The following DLGAP1 variants were observed in gnomAD, a reference collection of about 807,000 sequenced individuals.
The protein encoded by DLGAP1 is disks large-associated protein 1.
Under a neutral mutation model 90.8 loss-of-function variants are expected in DLGAP1, and 11 were observed. That is an observed-to-expected ratio of 0.12 (90% CI 0.08 to 0.20). The LOEUF (loss-of-function observed/expected upper bound fraction) is 0.20, where lower values mean the gene tolerates loss of function less well. DLGAP1 is among the 10% of genes least tolerant of loss of function. The pLI is 1.00. For synonymous variants in DLGAP1, 558 were observed against 540.7 expected (o/e 1.03, Z -0.44); for missense variants, 1,050 against 1,333.8 (o/e 0.79, Z 3.31).
intron 7 of DLGAP1, among the ~76,000 whole-genome samples, chr18:3,636,362 A>G (rs1465722029): frequency 1.3e-5 from 2 of 151,672 alleles, no homozygotes; most frequent in African/African-American, 2.4e-5. Context: ...CAGACCCTAT[A>G]GAGTGCCCAG....
intron 7 of DLGAP1, among the ~76,000 whole-genome samples, chr18:3,583,176 A>ACCTTCCTTCCTTCCTT (rs1198815501): frequency 9.8e-5 from 13 of 132,044 alleles, no homozygotes; most frequent in African/African-American, 4.1e-4. Context: ...CTACCTACCT[A>ACCTTCCTTCCTTCCTT]CCTACCTACC....
intron 7 of DLGAP1, among the ~76,000 whole-genome samples, chr18:3,667,186 T>G (rs1314686708): frequency 3.9e-5 from 6 of 152,064 alleles, no homozygotes; most frequent in Non-Finnish European, 4.4e-5. Context: ...CAAGCGATTC[T>G]CTTGCCTCAG....
chr18:4,090,891 A>C (rs923201392), intron 2 of DLGAP1, among the ~76,000 whole-genome samples: 2 of 152,242 alleles, frequency 1.3e-5, no homozygotes, highest in African/African-American at 4.8e-5. Context: ...GTACATATAC[A>C]CCATGGAATA....
intron 1 of DLGAP1, among the ~76,000 whole-genome samples, chr18:4,254,553 C>T (rs2078848876): frequency 6.6e-6 from 1 of 152,138 alleles, no homozygotes; most frequent in African/African-American, 2.4e-5. Flanking sequence ...TATATTTGTC[C>T]TGCATTTGGG....
chr18:3,521,110 C>T (rs1214798218), intron 10 of DLGAP1, among the ~76,000 whole-genome samples: 1 of 152,138 alleles, frequency 6.6e-6, no homozygotes, highest in Non-Finnish European at 1.5e-5. Context: ...TGTGTACTGA[C>T]CCCAGACGCT....
chr18:3,928,161 A>G (rs1385462550), intron 3 of DLGAP1, among the ~76,000 whole-genome samples: 1 of 152,156 alleles, frequency 6.6e-6, no homozygotes, highest in East Asian at 1.9e-4. Flanking sequence ...ATCTATCTGC[A>G]TTTGTATCCA....
chr18:3,513,693 T>G (rs1657705503), intron 10 of DLGAP1, among the ~76,000 whole-genome samples: 1 of 152,186 alleles, frequency 6.6e-6, no homozygotes, highest in African/African-American at 2.4e-5. Flanking sequence ...CTTTTTTTCT[T>G]TTACAGATTA....
chr18:4,149,277 A>C (rs546282064), intron 2 of DLGAP1, among the ~76,000 whole-genome samples: 1 of 152,330 alleles, frequency 6.6e-6, no homozygotes, highest in South Asian at 2.1e-4. Context: ...CCATCTACTG[A>C]AGACGGACAA....
intron 3 of DLGAP1, among the ~76,000 whole-genome samples, chr18:3,927,613 T>A (rs2148922897): frequency 6.6e-6 from 1 of 152,348 alleles, no homozygotes; most frequent in Non-Finnish European, 1.5e-5. Flanking sequence ...GCTATACATA[T>A]AATTTAGAGT....
chr18:4,348,782 A>G (rs1260856600), intron 1 of DLGAP1, among the ~76,000 whole-genome samples: 1 of 152,142 alleles, frequency 6.6e-6, no homozygotes, highest in African/African-American at 2.4e-5. Context: ...TGAGAGCAAC[A>G]AACTAAATGA....
intron 7 of DLGAP1, among the ~76,000 whole-genome samples, chr18:3,602,385 G>A (rs1344299606): frequency 3.9e-5 from 6 of 152,102 alleles, no homozygotes; most frequent in African/African-American, 1.4e-4. Context: ...CACGAGGTCA[G>A]GAGATCGAGA....
chr18:4,200,710 T>A (rs1194224972), intron 1 of DLGAP1, among the ~76,000 whole-genome samples: 2 of 152,116 alleles, frequency 1.3e-5, no homozygotes, highest in East Asian at 3.8e-4. Context: ...ATCATACATT[T>A]ATTTTAAGAC....
intron 1 of DLGAP1, among the ~76,000 whole-genome samples, chr18:4,256,762 G>C (rs1321058414): frequency 6.6e-6 from 1 of 152,116 alleles, no homozygotes; most frequent in Non-Finnish European, 1.5e-5. Context: ...CACTGGGAAT[G>C]CATTTTCCTT....
intron 1 of DLGAP1, among the ~76,000 whole-genome samples, chr18:4,353,045 C>T (rs1168104344): frequency 6.6e-6 from 1 of 152,198 alleles, no homozygotes; most frequent in Non-Finnish European, 1.5e-5. Context: ...CAAGAAAGCC[C>T]GCATTTGGGC....
intron 1 of DLGAP1, among the ~76,000 whole-genome samples, chr18:4,389,390 G>C (rs1459481472): frequency 6.6e-6 from 1 of 152,046 alleles, no homozygotes; most frequent in Non-Finnish European, 1.5e-5. Context: ...TTCTTTAATG[G>C]GCATAGAGTT....
chr18:4,143,206 T>C (rs376140476), intron 2 of DLGAP1, among the ~76,000 whole-genome samples: 9 of 152,240 alleles, frequency 5.9e-5, no homozygotes, highest in African/African-American at 1.9e-4. Flanking sequence ...CCCTTCAGGA[T>C]GGCAAGTTCC....
intron 2 of DLGAP1, among the ~76,000 whole-genome samples, chr18:4,110,232 G>A (rs2075949402): frequency 1.3e-5 from 2 of 152,320 alleles, no homozygotes; most frequent in South Asian, 4.1e-4. Flanking sequence ...ACTAGATGCT[G>A]TAGGCAAATG....
At chr18:4,262,027 A>G (rs1284300557) in intron 1 of DLGAP1, among the ~76,000 whole-genome samples, 1 of 152,250 alleles carries the variant, frequency 6.6e-6, no homozygotes, top group East Asian at 1.9e-4. Context: ...TTGGGAGGCT[A>G]TATTAGATCG....
In DLGAP1 at chr18:4,106,023, G is replaced by C. The variant is rs1406157949; in HGVS notation, c.-159+45157C>G. 3.7e-5 allele frequency among the ~76,000 whole-genome samples: 4 copies of C among 108,972 alleles called. No homozygotes were observed. The Admixed American group carries it at 4.0e-4, about 11-fold the overall frequency. 71.5% of individuals were successfully genotyped at this position (108,972 alleles called of 152,430 possible). On this transcript the variant is annotated intron_variant, in intron 2 of 12. Coordinates refer to ENST00000315677, the MANE Select transcript of DLGAP1 (RefSeq NM_004746.4). Reference sequence around the variant, plus strand: ...CTCCAGCCTGGGCGACAGAGCGAGGGTCCGTCTCAAAAAAAAAAAAAAAAA... The same window carrying C: ...CTCCAGCCTGGGCGACAGAGCGAGGCTCCGTCTCAAAAAAAAAAAAAAAAA...
Sources: allele counts gnomAD v4.1 joint callset (sites outside exome capture counted in the v4.1 genomes callset), GRCh38; gene constraint gnomAD v4.1.1; transcripts MANE v1.5; gene names NCBI Gene and HGNC (gene_info 2026-07-23, HGNC 2026-07-21).